Variants in THADA observed in about 807,000 individuals in gnomAD.
THADA encodes the protein THADA armadillo repeat containing, also known as tRNA (32-2'-O)-methyltransferase regulator THADA.
In THADA, 213 loss-of-function variants were observed where a neutral mutation model predicts 219.8. The observed-to-expected ratio is 0.97, with a 90% CI of 0.87 to 1.09. The LOEUF is 1.09. Ranked by LOEUF, THADA falls within the 50% of genes least tolerant of loss-of-function variation. The probability of loss-of-function intolerance (pLI) is 0.00; values close to 1 mark genes in which losing one functional copy is unlikely to be tolerated. For synonymous variants in THADA, 1,018 were observed against 828.9 expected, an observed-to-expected ratio of 1.23 and a Z score of -3.92; for missense variants, 2,956 against 2,311.3, an observed-to-expected ratio of 1.28 and a Z score of -5.72.
At chr2:43,510,991 A>T (rs767976414) in intron 22 of THADA, among the ~76,000 whole-genome samples, 82 of 107,158 alleles carry the variant, frequency 7.7e-4, no homozygotes, top group South Asian at 1.2e-3. Context: ...AAAAAAATTT[A>T]AAAAAAAAAA....
intron 31 of THADA, among the ~76,000 whole-genome samples, chr2:43,304,582 G>C (rs1374708413): frequency 1.3e-5 from 2 of 151,738 alleles, no homozygotes; most frequent in African/African-American, 2.4e-5. Flanking sequence ...AGACATAACT[G>C]TTCTAAAGTT....
chr2:43,555,366 C>T (rs1697223066), intron 17 of THADA, among the ~76,000 whole-genome samples: 1 of 150,456 alleles, frequency 6.6e-6, no homozygotes, highest in Non-Finnish European at 1.5e-5. Context: ...AACTTGTGAA[C>T]TTTTTACATA....
At chr2:43,552,175 A>C in intron 18 of THADA, 29 bp downstream of exon 18, 1 of 1,592,902 alleles carries the variant, frequency 6.3e-7, no homozygotes, top group Non-Finnish European at 8.5e-7. Context: ...TGGATTTCTG[A>C]GACAGGAGGC....
chr2:43,235,310 T>G (rs1403626165), intron 36 of THADA, among the ~76,000 whole-genome samples: 1 of 151,702 alleles, frequency 6.6e-6, no homozygotes, highest in African/African-American at 2.4e-5. Context: ...TGTTTTGTCT[T>G]GAGACAGAGT....
intron 35 of THADA, 100 bp downstream of exon 35, chr2:43,286,808 G>T (rs2104343734): frequency 7.4e-7 from 1 of 1,352,028 alleles, no homozygotes; most frequent in Non-Finnish European, 1.0e-6. Flanking sequence ...AAAGGCAGGT[G>T]TCATGTTGCC....
intron 28 of THADA, among the ~76,000 whole-genome samples, chr2:43,417,875 A>T (rs1206826763): frequency 6.6e-6 from 1 of 152,236 alleles, no homozygotes; most frequent in Non-Finnish European, 1.5e-5. Context: ...CCCTCTGTGG[A>T]ATGGGATAGT....
At chr2:43,377,294 A>T (rs1316548255) in intron 29 of THADA, among the ~76,000 whole-genome samples, 1 of 152,196 alleles carries the variant, frequency 6.6e-6, no homozygotes, top group African/African-American at 2.4e-5. Flanking sequence ...AGGGGGATCA[A>T]CCTGATAACT....
At chr2:43,299,592 G>A (rs1676012593) in intron 31 of THADA, among the ~76,000 whole-genome samples, 1 of 152,062 alleles carries the variant, frequency 6.6e-6, no homozygotes, top group Non-Finnish European at 1.5e-5. Context: ...AACCCAAGAG[G>A]CGGAGTTTGC....
At chr2:43,245,090 G>C (rs190225139) in intron 36 of THADA, among the ~76,000 whole-genome samples, 1 of 151,294 alleles carries the variant, frequency 6.6e-6, no homozygotes, top group East Asian at 1.9e-4. Context: ...CCTGGATCTT[G>C]AAACTTCTCT....
intron 31 of THADA, among the ~76,000 whole-genome samples, chr2:43,303,591 T>G (rs1412854039): frequency 6.6e-6 from 1 of 152,124 alleles, no homozygotes; most frequent in Non-Finnish European, 1.5e-5. Context: ...AATATAATTT[T>G]TAAAAGATGC....
Position 43,574,593 on chromosome 2 carries a change from A to G in THADA, c.1472T>C (p.Val491Ala). ...ILEVMGDQSL[V>A]PYASDLLETM... ...TTCCAAGAGGTCACTTGCATAAGGT[A>G]CCAATGACTGGTCTCCCATCACCTC... The change falls in exon 11 of 38, where the codon GTA becomes GCA. Residue 491 changes from valine to alanine, a missense_variant. Val to Ala is a moderately conservative substitution (Grantham distance 64, BLOSUM62 0). Coordinates refer to ENST00000405975, the MANE Select transcript of THADA (RefSeq NM_022065.5). 6.2e-7 allele frequency: 1 copy of G among 1,614,022 alleles called. No homozygotes were observed. The highest frequency in any genetic ancestry group is 8.5e-7 in the Non-Finnish European group (1 of 1,179,898).
At chr2:43,510,763 G>A (rs1257976024) in intron 22 of THADA, among the ~76,000 whole-genome samples, 1 of 151,552 alleles carries the variant, frequency 6.6e-6, no homozygotes. Context: ...CTGAGGTCAG[G>A]AGTTCAAGAC....
chr2:43,367,764 A>G (rs556068468), intron 29 of THADA, among the ~76,000 whole-genome samples: 67 of 152,298 alleles, frequency 4.4e-4, no homozygotes, highest in African/African-American at 1.6e-3. Context: ...CAGTCTCTCT[A>G]CTGTTATGTT....
At chr2:43,330,154 A>AAGT (rs1679794887) in intron 30 of THADA, among the ~76,000 whole-genome samples, 3 of 152,318 alleles carry the variant, frequency 2.0e-5, no homozygotes, top group Admixed American at 2.0e-4. Flanking sequence ...TTTTCTGGCT[A>AAGT]GAGGCTTTCC....
intron 17 of THADA, among the ~76,000 whole-genome samples, chr2:43,553,733 C>T (rs1697019382): frequency 6.6e-6 from 1 of 152,168 alleles, no homozygotes; most frequent in Admixed American, 6.5e-5. Flanking sequence ...ACAATCCCAC[C>T]AACAGTCTAT....
intron 36 of THADA, chr2:43,233,170 C>A: frequency 2.8e-6 from 1 of 361,138 alleles, no homozygotes. Flanking sequence ...CTCCCCTCTG[C>A]TCCTCCAGTG....
At chr2:43,557,585 C>T (rs572992197) in intron 16 of THADA, among the ~76,000 whole-genome samples, 33 of 152,308 alleles carry the variant, frequency 2.2e-4, no homozygotes, top group African/African-American at 7.5e-4. Context: ...CCACTCACAT[C>T]GCCTGTCCTA....
chr2:43,239,263 C>A (rs1306017973), intron 36 of THADA, among the ~76,000 whole-genome samples: 2 of 152,336 alleles, frequency 1.3e-5, no homozygotes, highest in East Asian at 3.8e-4. Flanking sequence ...CACATCAGGG[C>A]TCCCCATCCA....
intron 29 of THADA, among the ~76,000 whole-genome samples, chr2:43,383,173 T>G (rs1357860427): frequency 6.6e-6 from 1 of 152,120 alleles, no homozygotes; most frequent in Non-Finnish European, 1.5e-5. Flanking sequence ...GAAGAAATAA[T>G]ATTAATAAAA....
Sources: gnomAD v4.1 joint callset for allele counts (sites outside exome capture counted in the v4.1 genomes callset) on GRCh38, gnomAD v4.1.1 for gene constraint, MANE v1.5 for transcripts, NCBI Gene and HGNC (gene_info 2026-07-23, HGNC 2026-07-21) for gene names.